TNRC18: variants seen among roughly 807,000 people sequenced by gnomAD.
TNRC18 encodes trinucleotide repeat-containing gene 18 protein.
Under a neutral mutation model 226.7 loss-of-function variants are expected in TNRC18, and 69 were observed. That is an observed-to-expected ratio of 0.30 (90% CI 0.25 to 0.37). The LOEUF (loss-of-function observed/expected upper bound fraction) is 0.37, where lower values mean the gene tolerates loss of function less well. TNRC18 is among the 10% of genes least tolerant of loss of function. The probability of loss-of-function intolerance (pLI) is 1.00; values close to 1 mark genes in which losing one functional copy is unlikely to be tolerated. For synonymous variants in TNRC18, 2,449 were observed against 1,927.6 expected (o/e 1.27, Z -7.09); for missense variants, 4,754 against 4,256.6 (o/e 1.12, Z -3.25).
chr7:5,339,865 C>T (rs553434323), intron 18 of TNRC18, among the ~76,000 whole-genome samples: 6 of 151,892 alleles, frequency 4.0e-5, no homozygotes, highest in South Asian at 2.1e-4. Flanking sequence ...CCACCACACC[C>T]GGCTGTATGT....
chr7:5,365,295 T>C lies in TNRC18; in HGVS notation c.4220-2470A>G, dbSNP rs187824810. The stretch of plus-strand genomic sequence containing the variant: ...CCCAGCTAGTTTTTGTATTTTTTTG[T>C]AGAGATGGGGTCTTGCTATGTTTCC... On this transcript the variant is annotated intron_variant, in intron 11 of 29. Transcript: ENST00000430969. Among the ~76,000 whole-genome samples the C allele has an allele frequency of 1.1e-3, 175 of 152,210 alleles. 1 individual carries two copies. The highest frequency in any genetic ancestry group is 4.1e-3 in the Admixed American group (62 of 15,270).
At chr7:5,323,199 G>A (rs1294847879) in intron 21 of TNRC18, among the ~76,000 whole-genome samples, 1 of 152,014 alleles carries the variant, frequency 6.6e-6, no homozygotes, top group East Asian at 1.9e-4. Flanking sequence ...CTTCTCACTC[G>A]CTCCCCCATC....
chr7:5,338,663 G>A (rs1243015176), intron 18 of TNRC18, among the ~76,000 whole-genome samples: 1 of 149,842 alleles, frequency 6.7e-6, no homozygotes, highest in African/African-American at 2.5e-5. Flanking sequence ...GCTCACGCCT[G>A]TAATCCCAGC....
chr7:5,310,493 C>G (rs1787062573), intron 27 of TNRC18, among the ~76,000 whole-genome samples: 1 of 152,156 alleles, frequency 6.6e-6, no homozygotes. Flanking sequence ...CCTGGGCCTC[C>G]CAGAGTGCTG....
In TNRC18 at chr7:5,421,640, C is replaced by G. The variant is rs536642468; in HGVS notation, c.-243-151G>C. Among the ~76,000 whole-genome samples, 18 of 152,328 alleles carry G rather than the reference C, an allele frequency of 1.2e-4. No individual in the cohort carries two copies. The East Asian group carries it at 3.1e-3, about 26-fold the overall frequency. On this transcript the variant is annotated intron_variant, in intron 1 of 29. Coordinates refer to ENST00000430969, the MANE Select transcript of TNRC18 (RefSeq NM_001080495.3). ...GGCCAGAAATGAAATCGGGAGTAGCCCCTTTCCACTGAAAAATGAAATCCA... is the reference window on the plus strand; with the variant it reads ...GGCCAGAAATGAAATCGGGAGTAGCGCCTTTCCACTGAAAAATGAAATCCA...
chr7:5,373,253 G>A (rs756684876), intron 10 of TNRC18, among the ~76,000 whole-genome samples: 1 of 152,166 alleles, frequency 6.6e-6, no homozygotes, highest in Non-Finnish European at 1.5e-5. Flanking sequence ...GAGTCCAGGT[G>A]TTCAAGGCTG....
chr7:5,357,204 G>A lies in TNRC18; in HGVS notation c.4906C>T (p.Leu1636Phe), dbSNP rs1365099075. Residue 1636 changes from leucine to phenylalanine, a missense_variant, in exon 16 of 30, where the codon CTC (leucine) becomes TTC (phenylalanine). Leu to Phe is a conservative substitution (Grantham distance 22). Coordinates refer to ENST00000430969, the MANE Select transcript of TNRC18 (RefSeq NM_001080495.3). ...GACTTCAACTTGTCCTGCTTGGTGAGGGAGAGGGCCTTGTCGAGCTTGCTT... is the reference window on the plus strand; with the variant it reads ...GACTTCAACTTGTCCTGCTTGGTGAAGGAGAGGGCCTTGTCGAGCTTGCTT... Reference protein sequence around the residue: ...LASKLDKALSLTKQDKLKSPF... With the variant: ...LASKLDKALSFTKQDKLKSPF... 6.2e-7 allele frequency: 1 copy of A among 1,611,902 alleles called. No homozygotes were observed. Among genetic ancestry groups the A allele is most frequent in the Admixed American group, 1.7e-5 (1 of 59,642 alleles).
At chr7:5,387,641 T>C (rs1201195392) in intron 5 of TNRC18, 31 bp downstream of exon 5, 3 of 1,600,022 alleles carry the variant, frequency 1.9e-6, no homozygotes, top group East Asian at 2.2e-5. Flanking sequence ...CCCAAGATCC[T>C]ACCCGCACCT....
intron 4 of TNRC18, 172 bp downstream of exon 4, chr7:5,390,313 C>G: frequency 1.4e-6 from 1 of 695,862 alleles, no homozygotes; most frequent in Non-Finnish European, 2.4e-6. Flanking sequence ...GACCTATGAT[C>G]GCACCACTGC....
chr7:5,313,195 CACTACTGCTGCTGCTGCT>C lies in TNRC18; in HGVS notation c.7678_7695del (p.Ser2560_Ser2565del), dbSNP rs1562478562. ...CTGCTGCTGCTGCTGCTACTGCTGC[CACTACTGCTGCTGCTGCT>C]GCTCTCGGACTCTTCGGCCCCGTCC... On this transcript the variant is annotated inframe_deletion, in exon 27 of 30. Coordinates refer to ENST00000430969, the MANE Select transcript of TNRC18 (RefSeq NM_001080495.3). 1 of 1,537,836 alleles carries C rather than the reference CACTACTGCTGCTGCTGCT, an allele frequency of 6.5e-7. No homozygotes were observed. Among genetic ancestry groups the C allele is most frequent in the Non-Finnish European group, 8.8e-7 (1 of 1,141,274 alleles).
chr7:5,307,533 C>T lies in TNRC18; in HGVS notation c.*573G>A, dbSNP rs1167863160. 4.4e-6 allele frequency: 2 copies of T among 449,452 alleles called. No homozygotes were observed. The highest frequency in any genetic ancestry group is 1.4e-4 in the East Asian group (2 of 13,992). 27.8% of individuals were successfully genotyped at this position (449,452 alleles called of 1,614,324 possible). A position where few individuals can be genotyped will look rare whatever the true frequency, so the allele number is the denominator to read the frequency against. ...TGACAGACACTCCGGGCTGCAACCCCACCCGGCTCTGTTCCCCAAGTCTAG... is the reference window on the plus strand; with the variant it reads ...TGACAGACACTCCGGGCTGCAACCCTACCCGGCTCTGTTCCCCAAGTCTAG... On this transcript the variant is annotated 3_prime_UTR_variant, in exon 30 of 30. Coordinates refer to ENST00000430969, the MANE Select transcript of TNRC18 (RefSeq NM_001080495.3).
Position 5,325,084 on chromosome 7 carries a change from G to A in TNRC18, c.6300+12C>T, listed in dbSNP as rs376904837. 190 of 1,549,534 alleles carry A rather than the reference G, an allele frequency of 1.2e-4. No homozygotes were observed. Among genetic ancestry groups the A allele is most frequent in the African/African-American group, 1.1e-3 (80 of 73,080 alleles). On this transcript the variant is annotated intron_variant, in intron 20 of 29. Transcript: ENST00000430969. Reference sequence around the variant, plus strand: ...CCCCCACAGCCCCCAACCAGGGCACGGTGAGCCTCACCTCCTTCTTCACCT... The same window carrying A: ...CCCCCACAGCCCCCAACCAGGGCACAGTGAGCCTCACCTCCTTCTTCACCT...
At chr7:5,314,145 T>A (rs1164719234) in intron 26 of TNRC18, among the ~76,000 whole-genome samples, 1 of 151,976 alleles carries the variant, frequency 6.6e-6, no homozygotes, top group African/African-American at 2.4e-5. Context: ...ATTATTATTT[T>A]TTTTTTTGTA....
At chr7:5,376,352 C>T (rs1184518331) in intron 8 of TNRC18, 128 bp from the exon 9 acceptor site, 1 of 841,922 alleles carries the variant, frequency 1.2e-6, no homozygotes, top group Non-Finnish European at 1.8e-6. Flanking sequence ...TCTGCGGGCC[C>T]CCGGCTGCTC....
At chr7:5,318,823 A>G (rs1205785804) in intron 24 of TNRC18, among the ~76,000 whole-genome samples, 1 of 152,220 alleles carries the variant, frequency 6.6e-6, no homozygotes. Context: ...TCTCTAAAGA[A>G]TAAGGGTACC....
At chr7:5,350,443 G>T (rs1255069521) in intron 17 of TNRC18, among the ~76,000 whole-genome samples, 2 of 136,546 alleles carry the variant, frequency 1.5e-5, no homozygotes, top group Non-Finnish European at 3.2e-5. Flanking sequence ...CGGGCGGGGG[G>T]CGGGGGCAGC....
chr7:5,326,242 A>C (rs1441807994), intron 19 of TNRC18, among the ~76,000 whole-genome samples: 1 of 151,892 alleles, frequency 6.6e-6, no homozygotes, highest in African/African-American at 2.4e-5. Flanking sequence ...CCATGCACAC[A>C]CAGTATTTTA....
rs142855163 is a variant in TNRC18, at chr7:5,317,108, A to C, written c.6746-1036T>G. Among the ~76,000 whole-genome samples, 809 of 152,296 alleles carry C rather than the reference A, an allele frequency of 5.3e-3. 12 individuals are homozygous for C. The highest frequency in any genetic ancestry group is 0.019 in the African/African-American group (769 of 41,560). On this transcript the variant is annotated intron_variant, in intron 24 of 29. Coordinates refer to ENST00000430969, the MANE Select transcript of TNRC18 (RefSeq NM_001080495.3). Reference sequence around the variant, plus strand: ...GATGTGAGTCTTGCAGAATCTGGGCAGCCCCCTAACAAAACCTTCCTGCCC... The same window carrying C: ...GATGTGAGTCTTGCAGAATCTGGGCCGCCCCCTAACAAAACCTTCCTGCCC...
In TNRC18 at chr7:5,351,968, C is replaced by T. The variant is rs1414510557; in HGVS notation, c.5321G>A (p.Gly1774Asp). The T allele has an allele frequency of 6.2e-7, 1 of 1,613,976 alleles. No individual in the cohort carries two copies. The highest frequency in any genetic ancestry group is 8.5e-7 in the Non-Finnish European group (1 of 1,179,884). The change falls in exon 17 of 30, where the codon GGC becomes GAC. Residue 1774 changes from glycine to aspartate, a missense_variant. Gly to Asp is a moderately conservative substitution (Grantham distance 94). Coordinates refer to ENST00000430969, the MANE Select transcript of TNRC18 (RefSeq NM_001080495.3). ...CAGGCCCCTCTTGGTCAGCTTGGGG[C>T]CACCAGCTGCCTTGCTGTTCTTTGC... Reference protein sequence around the residue: ...MVAKNSKAAGGPKLTKRGLAA... With the variant: ...MVAKNSKAAGDPKLTKRGLAA...
Sources: gnomAD v4.1 joint callset for allele counts (sites outside exome capture counted in the v4.1 genomes callset) on GRCh38, gnomAD v4.1.1 for gene constraint, MANE v1.5 for transcripts, NCBI Gene and HGNC (gene_info 2026-07-23, HGNC 2026-07-21) for gene names.